The following FHOD3 variants were observed in gnomAD, a reference collection of about 807,000 sequenced individuals.
FHOD3 encodes the protein formin homology 2 domain containing 3.
In FHOD3, 90 loss-of-function variants were observed where a neutral mutation model predicts 173.0. The observed-to-expected ratio is 0.52, with a 90% CI of 0.44 to 0.62. FHOD3 has a LOEUF of 0.62. Among genes scored for constraint, FHOD3 ranks in the 20% least tolerant of loss-of-function variants. FHOD3 has a pLI of 0.00. For synonymous variants in FHOD3, 828 were observed against 823.0 expected (o/e 1.01, Z -0.10); for missense variants, 1,945 against 2,034.7 (o/e 0.96, Z 0.85).
intron 17 of FHOD3, among the ~76,000 whole-genome samples, chr18:36,704,131 T>G (rs2039739664): frequency 1.3e-5 from 2 of 152,208 alleles, no homozygotes; most frequent in Admixed American, 1.3e-4. Context: ...CACATCCTTT[T>G]ATGCAGTTTA....
chr18:36,355,493 TC>T, intron 1 of FHOD3, 45 bp from the exon 2 acceptor site: 1 of 1,484,482 alleles, frequency 6.7e-7, no homozygotes, highest in Non-Finnish European at 9.4e-7. Context: ...ATATGTAGTC[TC>T]CATCTGAGGA....
chr18:36,609,258 G>A (rs754532922), intron 8 of FHOD3, among the ~76,000 whole-genome samples: 2 of 152,122 alleles, frequency 1.3e-5, no homozygotes, highest in African/African-American at 4.8e-5. Flanking sequence ...TTTGTCAGAG[G>A]TGGACAACTT....
At chr18:36,747,229 T>TC (rs973646864) in intron 24 of FHOD3, 94 bp downstream of exon 24, 1 of 988,432 alleles carries the variant, frequency 1.0e-6, no homozygotes, top group African/African-American at 2.1e-5. Context: ...AATTTACAGA[T>TC]TTTTTGTACA....
intron 3 of FHOD3, among the ~76,000 whole-genome samples, chr18:36,387,727 C>G (rs749340305): frequency 9.2e-5 from 14 of 152,190 alleles, no homozygotes; most frequent in African/African-American, 1.4e-4. Context: ...ATCCCACATC[C>G]ATCTCCCTGC....
intron 28 of FHOD3, among the ~76,000 whole-genome samples, chr18:36,771,309 C>T (rs568585597): frequency 6.6e-6 from 1 of 152,192 alleles, no homozygotes; most frequent in Non-Finnish European, 1.5e-5. Context: ...TCCGAAGGGG[C>T]GAGGCTAATC....
chr18:36,378,135 A>G (rs1426091814), intron 3 of FHOD3, among the ~76,000 whole-genome samples: 1 of 152,098 alleles, frequency 6.6e-6, no homozygotes, highest in Non-Finnish European at 1.5e-5. Context: ...ACCATCTCTC[A>G]TTCTTCCAAA....
intron 3 of FHOD3, among the ~76,000 whole-genome samples, chr18:36,452,343 T>C (rs2051907057): frequency 6.6e-6 from 1 of 152,046 alleles, no homozygotes; most frequent in Non-Finnish European, 1.5e-5. Context: ...TTGTTGTCAG[T>C]GTGAGTCAAG....
chr18:36,709,766 C>T (rs1016414033), intron 18 of FHOD3: 4 of 177,490 alleles, frequency 2.3e-5, no homozygotes, highest in Admixed American at 1.7e-4. Context: ...AGGCTTTTTC[C>T]GTTTTTGATA....
intron 28 of FHOD3, among the ~76,000 whole-genome samples, chr18:36,776,524 T>C (rs1179430171): frequency 6.6e-6 from 1 of 152,202 alleles, no homozygotes; most frequent in Non-Finnish European, 1.5e-5. Flanking sequence ...AAGGGAAGGT[T>C]TCAGATTCTC....
chr18:36,715,300 C>A (rs2040388516), intron 18 of FHOD3, among the ~76,000 whole-genome samples: 1 of 152,202 alleles, frequency 6.6e-6, no homozygotes, highest in Admixed American at 6.5e-5. Flanking sequence ...TAAGGCGCTT[C>A]CCTCTTTGCT....
intron 24 of FHOD3, among the ~76,000 whole-genome samples, chr18:36,751,374 G>A (rs1197925374): frequency 2.0e-5 from 3 of 152,142 alleles, no homozygotes; most frequent in Non-Finnish European, 4.4e-5. Context: ...GGAGCTTTTG[G>A]GCTGAGATGA....
intron 21 of FHOD3, 139 bp from the exon 22 acceptor site, chr18:36,742,598 C>T: frequency 1.1e-6 from 1 of 936,126 alleles, no homozygotes; most frequent in Non-Finnish European, 1.6e-6. Flanking sequence ...GTTTCCATAC[C>T]TAGGAGCAAT....
chr18:36,652,889 T>C lies in FHOD3; in HGVS notation c.1606T>C (p.Ser536Pro). Reference protein sequence around the residue: ...FSYDFEDSSLSTKEKEAESQK... With the variant: ...FSYDFEDSSLPTKEKEAESQK... ...CTATGACTTTGAGGACTCCTCCCTGTCCACCAAGGAGAAGGAAGCAGAGTC... is the reference window on the plus strand; with the variant it reads ...CTATGACTTTGAGGACTCCTCCCTGCCCACCAAGGAGAAGGAAGCAGAGTC... The change falls in exon 12 of 29, where the codon TCC becomes CCC. Residue 536 changes from serine (S) to proline (P), a missense_variant. Ser to Pro is a moderately conservative substitution (Grantham distance 74). Around this residue, in one of 5 missense-constraint regions of FHOD3, gnomAD observed 1,099 missense variants for 1,051.2 expected, o/e 1.05. Coordinates refer to ENST00000590592, the MANE Select transcript of FHOD3 (RefSeq NM_001281740.3). 1.3e-6 allele frequency: 2 copies of C among 1,535,266 alleles called. No homozygotes were observed. Among genetic ancestry groups the C allele is most frequent in the South Asian group, 2.4e-5 (2 of 84,018 alleles).
intron 3 of FHOD3, among the ~76,000 whole-genome samples, chr18:36,458,400 T>C (rs1041405084): frequency 1.3e-5 from 2 of 151,636 alleles, no homozygotes; most frequent in African/African-American, 4.9e-5. Flanking sequence ...ATTAAAAAAC[T>C]TTTTTGGCAG....
chr18:36,416,628 C>T (rs1033190501), intron 3 of FHOD3, among the ~76,000 whole-genome samples: 3 of 152,294 alleles, frequency 2.0e-5, no homozygotes, highest in East Asian at 1.9e-4. Context: ...TTTCTCCATT[C>T]CAGTTGCTGT....
At chr18:36,664,779 A>T (rs1160375719) in intron 14 of FHOD3, among the ~76,000 whole-genome samples, 5 of 107,766 alleles carry the variant, frequency 4.6e-5, no homozygotes, top group East Asian at 2.8e-4. Flanking sequence ...TGTGTATGTG[A>T]GAGAGAGAGA....
At position 36,693,295 on chromosome 18, in the gene FHOD3, C is replaced by T; in HGVS notation, c.2108C>T (p.Ser703Phe). 1 of 1,613,870 alleles carries T rather than the reference C, an allele frequency of 6.2e-7. No individual in the cohort carries two copies. Among genetic ancestry groups the T allele is most frequent in the Non-Finnish European group, 8.5e-7 (1 of 1,179,854 alleles). Residue 703 changes from serine (S) to phenylalanine (F), a missense_variant, in exon 17 of 29, where the codon TCC becomes TTC. Physicochemically the swap from Ser to Phe is radical, Grantham distance 155 (BLOSUM62 -2). This residue lies in a region of FHOD3 where 1,099 missense variants were observed against 1,051.2 expected (regional missense o/e 1.05). Coordinates refer to ENST00000590592, the MANE Select transcript of FHOD3 (RefSeq NM_001281740.3). ...GTGAGCCGGGGCAGAGCCGACCTCT[C>T]CTTGGACCTGACCTCGCCAGCAGCC... is the stretch of plus-strand genomic sequence containing the variant. ...RSVSRGRADL[S>F]LDLTSPAAPA...
chr18:36,397,271 G>C (rs2048597739), intron 3 of FHOD3, among the ~76,000 whole-genome samples: 1 of 152,200 alleles, frequency 6.6e-6, no homozygotes, highest in Admixed American at 6.5e-5. Flanking sequence ...AGGTCTGTCA[G>C]ATGTCTCATT....
intron 10 of FHOD3, among the ~76,000 whole-genome samples, chr18:36,648,145 T>G (rs969244625): frequency 6.7e-6 from 1 of 150,032 alleles, no homozygotes; most frequent in Admixed American, 6.6e-5. Flanking sequence ...TGCACATGCA[T>G]TAGGAGGTGA....
Sources: allele counts gnomAD v4.1 joint callset (sites outside exome capture counted in the v4.1 genomes callset), GRCh38; gene constraint gnomAD v4.1.1; regional missense constraint gnomAD v4.1.1; transcripts MANE v1.5; gene names NCBI Gene and HGNC (gene_info 2026-07-23, HGNC 2026-07-21).